Variants in RIMS1 observed in about 807,000 individuals in gnomAD.
RIMS1 encodes the protein regulating synaptic membrane exocytosis 1, also known as regulating synaptic membrane exocytosis protein 1.
Under a neutral mutation model 214.1 loss-of-function variants are expected in RIMS1, and 83 were observed. The ratio of observed to expected loss-of-function variants is 0.39; its 90% CI spans 0.32 to 0.47. The LOEUF (loss-of-function observed/expected upper bound fraction) is 0.47, where lower values mean the gene tolerates loss of function less well. Ranked by LOEUF, RIMS1 falls within the 20% of genes least tolerant of loss-of-function variation. The pLI is 0.99. For synonymous variants in RIMS1, 793 were observed against 786.8 expected (o/e 1.01, Z -0.13); for missense variants, 2,050 against 2,161.8 (o/e 0.95, Z 1.03).
chr6:72,145,800 C>G (rs750160502), intron 4 of RIMS1, among the ~76,000 whole-genome samples: 1 of 152,010 alleles, frequency 6.6e-6, no homozygotes, highest in Non-Finnish European at 1.5e-5. Flanking sequence ...AAACAAACAA[C>G]AACAAACAAA....
intron 1 of RIMS1, among the ~76,000 whole-genome samples, chr6:71,891,984 T>A (rs1234032258): frequency 2.0e-5 from 3 of 152,174 alleles, no homozygotes; most frequent in African/African-American, 7.2e-5. Context: ...TAAAGTCAAT[T>A]GTATTGCATT....
intron 9 of RIMS1, among the ~76,000 whole-genome samples, chr6:72,239,710 C>T (rs2065886713): frequency 6.6e-6 from 1 of 152,144 alleles, no homozygotes; most frequent in African/African-American, 2.4e-5. Context: ...ACAAAAATGA[C>T]ACTGACACTC....
chr6:71,925,522 A>G (rs1033735668), intron 1 of RIMS1, among the ~76,000 whole-genome samples: 4 of 152,246 alleles, frequency 2.6e-5, no homozygotes, highest in African/African-American at 4.8e-5. Context: ...GCAATTGAGA[A>G]CAATGATTTA....
intron 6 of RIMS1, among the ~76,000 whole-genome samples, chr6:72,198,144 C>A (rs1461709979): frequency 6.6e-6 from 1 of 152,064 alleles, no homozygotes; most frequent in Non-Finnish European, 1.5e-5. Flanking sequence ...CAAAGGGATA[C>A]CTGCGCTCAC....
At chr6:71,988,896 A>G (rs903740514) in intron 2 of RIMS1, among the ~76,000 whole-genome samples, 1 of 152,244 alleles carries the variant, frequency 6.6e-6, no homozygotes, top group African/African-American at 2.4e-5. Flanking sequence ...TGTTAATACA[A>G]CAGCATCATA....
At chr6:72,330,952 A>G (rs1034610093) in intron 28 of RIMS1, among the ~76,000 whole-genome samples, 3 of 146,200 alleles carry the variant, frequency 2.1e-5, no homozygotes, top group Non-Finnish European at 4.5e-5. Context: ...ATTTTTTGAG[A>G]AAAAAAAACT....
intron 1 of RIMS1, among the ~76,000 whole-genome samples, chr6:71,895,449 C>T (rs991537301): frequency 6.6e-6 from 1 of 151,904 alleles, no homozygotes. Context: ...CTGAGAAGGG[C>T]GTATCACCTG....
At chr6:72,176,735 C>CAG (rs78992715) in intron 4 of RIMS1, among the ~76,000 whole-genome samples, 105,131 of 151,744 alleles carry the variant, frequency 0.69, 36,849 homozygotes, top group East Asian at 0.84. Context: ...ATGTTAAAAA[C>CAG]AAAAAAATTA....
intron 29 of RIMS1, among the ~76,000 whole-genome samples, chr6:72,354,558 A>G (rs1367067720): frequency 2.0e-5 from 3 of 152,200 alleles, no homozygotes. Flanking sequence ...AATTGCATAC[A>G]TTTTGTTTCT....
At chr6:72,258,090 A>G in intron 16 of RIMS1, 35 bp from the exon 17 acceptor site, 3 of 1,591,710 alleles carry the variant, frequency 1.9e-6, no homozygotes, top group Non-Finnish European at 2.6e-6. Flanking sequence ...ATAGAAGAAT[A>G]CTGACTAAAT....
intron 4 of RIMS1, among the ~76,000 whole-genome samples, chr6:72,106,148 T>A (rs777293799): frequency 1.1e-4 from 17 of 152,174 alleles, no homozygotes; most frequent in Admixed American, 2.6e-4. Flanking sequence ...TATGCAATAG[T>A]TTTTTCATAT....
intron 4 of RIMS1, among the ~76,000 whole-genome samples, chr6:72,106,112 C>T (rs143735006): frequency 9.2e-5 from 14 of 151,946 alleles, no homozygotes; most frequent in African/African-American, 3.4e-4. Flanking sequence ...ATTCATTGGC[C>T]GATTTATTTT....
At chr6:71,919,866 A>G (rs950950419) in intron 1 of RIMS1, among the ~76,000 whole-genome samples, 12 of 152,204 alleles carry the variant, frequency 7.9e-5, no homozygotes, top group Admixed American at 6.5e-4. Flanking sequence ...ATGTTGCTGG[A>G]TTTTGATCCT....
At chr6:72,095,760 G>A (rs996761619) in intron 2 of RIMS1, among the ~76,000 whole-genome samples, 1 of 152,198 alleles carries the variant, frequency 6.6e-6, no homozygotes, top group Non-Finnish European at 1.5e-5. Context: ...GGGAGTATCA[G>A]TTCCTCACAG....
chr6:72,383,044 CAAAG>C (rs901693489), intron 29 of RIMS1, among the ~76,000 whole-genome samples: 12 of 152,258 alleles, frequency 7.9e-5, no homozygotes, highest in Admixed American at 6.5e-4. Context: ...GGAACTGAAA[CAAAG>C]AAGAAGATTT....
At chr6:72,188,045 C>T (rs1012514701) in intron 6 of RIMS1, among the ~76,000 whole-genome samples, 1 of 152,176 alleles carries the variant, frequency 6.6e-6, no homozygotes, top group Non-Finnish European at 1.5e-5. Flanking sequence ...AAAGACTAAG[C>T]CAGTCTAGCC....
At chr6:71,912,394 A>G (rs570155464) in intron 1 of RIMS1, among the ~76,000 whole-genome samples, 2 of 152,282 alleles carry the variant, frequency 1.3e-5, no homozygotes, top group African/African-American at 4.8e-5. Context: ...TGTCTCCAAT[A>G]AAGCAAACAT....
At chr6:72,187,130 GAA>G (rs996776471) in intron 6 of RIMS1, among the ~76,000 whole-genome samples, 5 of 152,024 alleles carry the variant, frequency 3.3e-5, no homozygotes, top group African/African-American at 1.2e-4. Flanking sequence ...CGTCAAGAAG[GAA>G]AGAGAGAAGG....
At chr6:72,195,630 T>C (rs2050736957) in intron 6 of RIMS1, among the ~76,000 whole-genome samples, 1 of 152,134 alleles carries the variant, frequency 6.6e-6, no homozygotes, top group Non-Finnish European at 1.5e-5. Flanking sequence ...ATGTAACTTA[T>C]GCAATGCTTT....
Sources: allele counts gnomAD v4.1 joint callset (sites outside exome capture counted in the v4.1 genomes callset), GRCh38; gene constraint gnomAD v4.1.1; transcripts MANE v1.5; gene names NCBI Gene and HGNC (gene_info 2026-07-23, HGNC 2026-07-21).